INO80D: variants seen among roughly 807,000 people sequenced by gnomAD.
The protein encoded by INO80D is INO80 complex subunit D.
In INO80D, 21 loss-of-function variants were observed where a neutral mutation model predicts 87.6. The observed-to-expected ratio is 0.24, with a 90% CI of 0.17 to 0.35. The LOEUF (loss-of-function observed/expected upper bound fraction) is 0.35, where lower values mean the gene tolerates loss of function less well. INO80D is among the 10% of genes least tolerant of loss of function. The pLI is 1.00. For missense variants in INO80D, 982 were observed against 1,280.7 expected, an observed-to-expected ratio of 0.77 and a Z score of 3.56; for synonymous variants, 440 against 491.0, an observed-to-expected ratio of 0.90 and a Z score of 1.37.
intron 5 of INO80D, among the ~76,000 whole-genome samples, chr2:206,039,390 GAA>G (rs1488849036): frequency 6.6e-6 from 1 of 151,668 alleles, no homozygotes; most frequent in African/African-American, 2.4e-5. Context: ...AAAGCAAAAC[GAA>G]AGTCCATCTC....
rs1687955632 is a variant in INO80D, at chr2:206,004,098, T to C, written c.*270A>G. The C allele has an allele frequency of 2.0e-6, 1 of 497,176 alleles. No homozygotes were observed. The highest frequency in any genetic ancestry group is 3.6e-6 in the Non-Finnish European group (1 of 275,668). The allele number at this position is 497,176 out of a possible 1,614,324, so 30.8% of individuals were successfully genotyped here. A position where few individuals can be genotyped will look rare whatever the true frequency, so the allele number is the denominator to read the frequency against. Reference sequence around the variant, plus strand: ...CACTTCTAGGACTTGCTGCTAAAAATCAATCCTATCCAGTCACTGTGCTGA... The same window carrying C: ...CACTTCTAGGACTTGCTGCTAAAAACCAATCCTATCCAGTCACTGTGCTGA... On this transcript the variant is annotated 3_prime_UTR_variant, in exon 11 of 11. Transcript: ENST00000403263. The surrounding 1 kb of genome is among the most constrained non-coding windows in gnomAD (Gnocchi z 4.9).
intron 1 of INO80D, among the ~76,000 whole-genome samples, chr2:206,075,056 T>G (rs1029463947): frequency 1.1e-5 from 1 of 90,626 alleles, no homozygotes; most frequent in African/African-American, 4.7e-5. Context: ...AAAAAAAAAA[T>G]TCCTCTTTGA....
At chr2:206,064,545 T>C (rs946640308) in intron 1 of INO80D, among the ~76,000 whole-genome samples, 1 of 152,232 alleles carries the variant, frequency 6.6e-6, no homozygotes, top group Non-Finnish European at 1.5e-5. Context: ...CTGTGTTACC[T>C]TGAACAAATC....
chr2:206,073,382 C>T (rs1323799467), intron 1 of INO80D, among the ~76,000 whole-genome samples: 3 of 152,188 alleles, frequency 2.0e-5, no homozygotes, highest in African/African-American at 7.2e-5. Context: ...ACATCACTTT[C>T]ACTCTTTGGC....
rs1201774049 is a variant in INO80D at position 206,000,173 on chromosome 2, G to A, written c.*4195C>T. 1 of 152,018 alleles carries A rather than the reference G, an allele frequency of 6.6e-6. No individual in the cohort carries two copies. Among genetic ancestry groups the A allele is most frequent in the African/African-American group, 2.4e-5 (1 of 41,394 alleles). The allele number at this position is 152,018 out of a possible 1,614,324, so 9.4% of individuals were successfully genotyped here. On this transcript the variant is annotated 3_prime_UTR_variant, in exon 11 of 11. Transcript: ENST00000403263. Reference sequence around the variant, plus strand: ...TAATATTAGATTTCTATATATACCAGATTAAGAACAGTATTTTTAAAGAAG... The same window carrying A: ...TAATATTAGATTTCTATATATACCAAATTAAGAACAGTATTTTTAAAGAAG...
chr2:206,030,281 C>T (rs1334769524), intron 5 of INO80D, among the ~76,000 whole-genome samples: 2 of 152,004 alleles, frequency 1.3e-5, no homozygotes, highest in Non-Finnish European at 2.9e-5. Context: ...TGACCAACAA[C>T]GCAAAACCCT....
chr2:206,033,001 T>G (rs979190764), intron 5 of INO80D, among the ~76,000 whole-genome samples: 2 of 152,192 alleles, frequency 1.3e-5, no homozygotes, highest in Non-Finnish European at 2.9e-5. Context: ...TAACATTGAA[T>G]GTAAATGACC....
intron 1 of INO80D, among the ~76,000 whole-genome samples, chr2:206,082,262 C>T (rs1331143883): frequency 2.0e-5 from 3 of 152,158 alleles, no homozygotes; most frequent in Non-Finnish European, 2.9e-5. Context: ...TCAGGTGATC[C>T]GCCCGCCTCA....
At chr2:206,011,474 G>A (rs1396461427) in intron 8 of INO80D, among the ~76,000 whole-genome samples, 5 of 152,130 alleles carry the variant, frequency 3.3e-5, no homozygotes, top group Non-Finnish European at 7.4e-5. Context: ...CCCACCCCCT[G>A]AGGCTTTCCT....
chr2:206,073,756 C>T (rs1690033696), intron 1 of INO80D, among the ~76,000 whole-genome samples: 1 of 152,170 alleles, frequency 6.6e-6, no homozygotes, highest in Non-Finnish European at 1.5e-5. Flanking sequence ...CTCAAGCCAT[C>T]CACCAGCATC....
At position 206,062,670 on chromosome 2, in the gene INO80D, T is replaced by A. The variant is rs1689716987; in HGVS notation, c.218+129A>T. 2 of 754,130 alleles carry A rather than the reference T, an allele frequency of 2.7e-6. No homozygotes were observed. The highest frequency in any genetic ancestry group is 4.3e-6 in the Non-Finnish European group (2 of 463,914). The allele number at this position is 754,130 out of a possible 1,614,324, so 46.7% of individuals were successfully genotyped here. A position where few individuals can be genotyped will look rare whatever the true frequency, so the allele number is the denominator to read the frequency against. Reference sequence around the variant, plus strand: ...CTTAGATTACCCCCAGAATTCAACATTTATATAGGTGGAGGAAGGGAGGGA... The same window carrying A: ...CTTAGATTACCCCCAGAATTCAACAATTATATAGGTGGAGGAAGGGAGGGA... On this transcript the variant is annotated intron_variant, in intron 3 of 10. Transcript: ENST00000403263. The surrounding 1 kb of genome is among the most constrained non-coding windows in gnomAD (Gnocchi z 4.6).
rs2105919366 is a variant in INO80D, at chr2:206,085,217, C to T, written c.-124+684G>A. 6.6e-6 allele frequency among the ~76,000 whole-genome samples: 1 copy of T among 152,258 alleles called. No homozygotes were observed. The highest frequency in any genetic ancestry group is 2.1e-4 in the South Asian group (1 of 4,832). ...CGCGGCTGCACCTGACTCCTCACCG[C>T]CCCTCCACCCGACCCCACGCCCGCC... On this transcript the variant is annotated intron_variant, in intron 1 of 10. Transcript: ENST00000403263. This position sits in a 1 kb window ranked among gnomAD's most constrained non-coding sequence, Gnocchi z 4.5.
chr2:206,046,516 T>C lies in INO80D; in HGVS notation c.1061A>G (p.Tyr354Cys), dbSNP rs1689199091. 3 of 1,605,544 alleles carry C rather than the reference T, an allele frequency of 1.9e-6. No homozygotes were observed. The highest frequency in any genetic ancestry group is 2.6e-6 in the Non-Finnish European group (3 of 1,172,396). The change falls in exon 5 of 11, where the codon TAT (tyrosine) becomes TGT (cysteine). Residue 354 changes from tyrosine (Y) to cysteine (C), a missense_variant. Physicochemically the swap from Tyr to Cys is radical, Grantham distance 194 (BLOSUM62 -2). Transcript: ENST00000403263. Reference sequence around the variant, plus strand: ...ACAGAAGACTTACGCATGTCTTTGATATCTGAGGGTTTCCCGGATGGACCA... The same window carrying C: ...ACAGAAGACTTACGCATGTCTTTGACATCTGAGGGTTTCCCGGATGGACCA... ...VAWSIRETLR[Y>C]QRHASDDDDA... is the part of the protein sequence containing the mutation.
chr2:206,024,295 G>C (rs557960196), intron 6 of INO80D, among the ~76,000 whole-genome samples: 1 of 152,158 alleles, frequency 6.6e-6, no homozygotes, highest in East Asian at 1.9e-4. Context: ...AGTTAATATA[G>C]GTATAAAATT....
intron 1 of INO80D, among the ~76,000 whole-genome samples, chr2:206,075,039 C>CAAAAAAAAAAAAAAAAAAAAAAAAA (rs56081344): frequency 4.5e-4 from 53 of 117,672 alleles, no homozygotes; most frequent in East Asian, 1.5e-3. Flanking sequence ...AACTCCATCT[C>CAAAAAAAAAAAAAAAAAAAAAAAAA]AAAAAAAAAA....
Position 206,064,812 on chromosome 2 carries a change from A to G in INO80D, c.-123-1568T>C, listed in dbSNP as rs533879863. ...TCTCAAGACATACTTCACTTACTGT[A>G]GTAGGAAAAAAAAAAACTCAAAATA... On this transcript the variant is annotated intron_variant, in intron 1 of 10. Coordinates refer to ENST00000403263, the MANE Select transcript of INO80D (RefSeq NM_017759.5). Among the ~76,000 whole-genome samples the G allele has an allele frequency of 3.6e-5, 5 of 138,712 alleles. No homozygotes were observed. The East Asian group carries it at 5.9e-4, about 16-fold the overall frequency. The allele number at this position is 138,712 out of a possible 152,430, so 91.0% of individuals were successfully genotyped here.
intron 1 of INO80D, among the ~76,000 whole-genome samples, chr2:206,067,780 C>A (rs573528074): frequency 9.2e-5 from 14 of 152,018 alleles, no homozygotes; most frequent in Admixed American, 8.5e-4. Flanking sequence ...GAAACCTATA[C>A]GAACATCAAG....
At chr2:206,057,789 C>A (rs1443917158) in intron 3 of INO80D, among the ~76,000 whole-genome samples, 2 of 151,826 alleles carry the variant, frequency 1.3e-5, no homozygotes, top group Non-Finnish European at 2.9e-5. Flanking sequence ...CCAAATACCA[C>A]CTGTACCTCA....
At chr2:206,011,078 C>CAAAA (rs5838007) in intron 8 of INO80D, among the ~76,000 whole-genome samples, 1 of 95,684 alleles carries the variant, frequency 1.0e-5, no homozygotes. Flanking sequence ...AACTCAGTCT[C>CAAAA]AAAAAAAAAA....
Sources: gnomAD v4.1 joint callset for allele counts (sites outside exome capture counted in the v4.1 genomes callset) on GRCh38, gnomAD v4.1.1 for gene constraint, Gnocchi (gnomAD v3.1) non-coding constraint, MANE v1.5 for transcripts, NCBI Gene and HGNC (gene_info 2026-07-23, HGNC 2026-07-21) for gene names.